Variants in RIMBP2 observed in about 807,000 individuals in gnomAD.
The protein encoded by RIMBP2 is RIMS-binding protein 2.
In RIMBP2, 48 loss-of-function variants were observed where a neutral mutation model predicts 118.6. That is an observed-to-expected ratio of 0.40 (90% CI 0.32 to 0.51). The LOEUF is 0.51. RIMBP2 is among the 20% of genes least tolerant of loss of function. The pLI is 0.41. For synonymous variants in RIMBP2, 762 were observed against 742.9 expected (o/e 1.03, Z -0.42); for missense variants, 1,551 against 1,768.3 (o/e 0.88, Z 2.20).
chr12:130,625,478 A>C (rs78491229), intron 2 of RIMBP2, among the ~76,000 whole-genome samples: 6,212 of 152,248 alleles, frequency 0.041, 414 homozygotes, highest in African/African-American at 0.14. Context: ...ACTCTCAGAG[A>C]GCCTCCTCTT....
At chr12:130,436,041 G>A (rs1239166231) in intron 13 of RIMBP2, among the ~76,000 whole-genome samples, 1 of 152,242 alleles carries the variant, frequency 6.6e-6, no homozygotes, top group Non-Finnish European at 1.5e-5. Context: ...GACCAGGGCT[G>A]TGCTGCCACC....
chr12:130,713,248 A>G (rs1231234496), intron 1 of RIMBP2, among the ~76,000 whole-genome samples: 2 of 148,120 alleles, frequency 1.4e-5, no homozygotes, highest in Non-Finnish European at 3.0e-5. Context: ...GAAGGAAGGA[A>G]GGAAGGAAGG....
intron 4 of RIMBP2, among the ~76,000 whole-genome samples, chr12:130,489,447 A>G (rs2138388632): frequency 6.6e-6 from 1 of 151,086 alleles, no homozygotes; most frequent in East Asian, 2.0e-4. Flanking sequence ...CACTTCCCAG[A>G]CGCCCTCGCC....
In RIMBP2 at chr12:130,517,848, T is replaced by G; in HGVS notation, c.-147A>C. ...GCTACCTTGTCATGCTGCCGGGCCC[T>G]TGTGGGAAGGCCTGCATGATGGGAT... On this transcript the variant is annotated 5_prime_UTR_variant, in exon 3 of 23. Coordinates refer to ENST00000690449, the MANE Select transcript of RIMBP2 (RefSeq NM_001393629.1). 1 of 985,242 alleles carries G rather than the reference T, an allele frequency of 1.0e-6. No homozygotes were observed. Among genetic ancestry groups the G allele is most frequent in the Non-Finnish European group, 1.2e-6 (1 of 829,442 alleles). 61.0% of individuals were successfully genotyped at this position (985,242 alleles called of 1,614,324 possible).
intron 2 of RIMBP2, among the ~76,000 whole-genome samples, chr12:130,610,261 C>A (rs59209664): frequency 2.6e-5 from 4 of 152,056 alleles, no homozygotes; most frequent in Non-Finnish European, 5.9e-5. Flanking sequence ...CGGTCCCTCC[C>A]GTTCTGGGGC....
intron 21 of RIMBP2, among the ~76,000 whole-genome samples, chr12:130,402,412 G>C (rs926943822): frequency 1.4e-4 from 21 of 152,072 alleles, no homozygotes; most frequent in Non-Finnish European, 1.0e-4. Flanking sequence ...ATCATCTTGA[G>C]TCTGCCTTCC....
intron 4 of RIMBP2, among the ~76,000 whole-genome samples, chr12:130,498,357 A>T (rs528330103): frequency 3.9e-5 from 6 of 152,356 alleles, no homozygotes; most frequent in African/African-American, 1.4e-4. Context: ...TCAATCAATC[A>T]GTATTTATCG....
chr12:130,708,060 A>C (rs1022574819), intron 1 of RIMBP2, among the ~76,000 whole-genome samples: 1 of 152,186 alleles, frequency 6.6e-6, no homozygotes, highest in Non-Finnish European at 1.5e-5. Flanking sequence ...AGCCATAAAA[A>C]GAGATGACGC....
At chr12:130,641,322 T>TGA (rs1566416743) in intron 1 of RIMBP2, among the ~76,000 whole-genome samples, 2 of 147,310 alleles carry the variant, frequency 1.4e-5, no homozygotes, top group African/African-American at 5.1e-5. Flanking sequence ...CGGCCCGGCA[T>TGA]CACGGGCTGG....
Position 130,649,419 on chromosome 12 carries a change from G to C in RIMBP2, c.-351-20963C>G, listed in dbSNP as rs78117072. Among the ~76,000 whole-genome samples the C allele has an allele frequency of 2.2e-3, 328 of 152,342 alleles. 1 individual carries two copies. The highest frequency in any genetic ancestry group is 7.7e-3 in the African/African-American group (322 of 41,578). On this transcript the variant is annotated intron_variant, in intron 1 of 22. Coordinates refer to ENST00000690449, the MANE Select transcript of RIMBP2 (RefSeq NM_001393629.1). ...CCGCATCCAGCCAGTGGGGTACTGG[G>C]AAGGGCGGCGCCTTCCCCCGACTCA...
At chr12:130,413,173 T>C (rs144022617) in intron 18 of RIMBP2, among the ~76,000 whole-genome samples, 324 of 152,318 alleles carry the variant, frequency 2.1e-3, no homozygotes, top group Middle Eastern at 0.01. Context: ...AATGGGTTCC[T>C]ACGTAACAAG....
intron 2 of RIMBP2, among the ~76,000 whole-genome samples, chr12:130,524,534 G>A (rs2052553476): frequency 6.6e-6 from 1 of 152,240 alleles, no homozygotes; most frequent in South Asian, 2.1e-4. Flanking sequence ...GACGTGAAGA[G>A]GCAAGAAGGG....
At chr12:130,512,569 C>T (rs769380407) in intron 3 of RIMBP2, among the ~76,000 whole-genome samples, 9 of 152,304 alleles carry the variant, frequency 5.9e-5, no homozygotes, top group East Asian at 1.9e-4. Flanking sequence ...GTGATCCACC[C>T]GCCTTGGCCT....
intron 2 of RIMBP2, among the ~76,000 whole-genome samples, chr12:130,557,200 T>C (rs2056437680): frequency 6.6e-6 from 1 of 151,986 alleles, no homozygotes; most frequent in African/African-American, 2.4e-5. Flanking sequence ...GTAAAGCACC[T>C]ACAGGCCGAG....
chr12:130,544,051 G>A (rs1437983187), intron 2 of RIMBP2, among the ~76,000 whole-genome samples: 2 of 152,186 alleles, frequency 1.3e-5, no homozygotes, highest in Non-Finnish European at 2.9e-5. Flanking sequence ...ATCCCTTGGA[G>A]AATCTTACAT....
intron 14 of RIMBP2, among the ~76,000 whole-genome samples, chr12:130,432,487 C>T (rs2077212605): frequency 6.6e-6 from 1 of 152,240 alleles, no homozygotes; most frequent in Non-Finnish European, 1.5e-5. Flanking sequence ...CCCACCCCAC[C>T]CTATTCAGAA....
chr12:130,423,652 T>C (rs2076561363), intron 16 of RIMBP2, among the ~76,000 whole-genome samples: 1 of 33,322 alleles, frequency 3.0e-5, no homozygotes. Context: ...TTGGAAACAA[T>C]ATGCAAAAAA....
At chr12:130,497,402 G>C (rs2049289924) in intron 4 of RIMBP2, among the ~76,000 whole-genome samples, 1 of 152,158 alleles carries the variant, frequency 6.6e-6, no homozygotes, top group South Asian at 2.1e-4. Flanking sequence ...TGAGCTCTCT[G>C]AATCTAGAAA....
chr12:130,697,381 G>A (rs1214989896), intron 1 of RIMBP2, among the ~76,000 whole-genome samples: 1 of 152,158 alleles, frequency 6.6e-6, no homozygotes, highest in African/African-American at 2.4e-5. Flanking sequence ...AAAATAGCCG[G>A]GTATGGTGGT....
Sources: allele counts gnomAD v4.1 joint callset (sites outside exome capture counted in the v4.1 genomes callset), GRCh38; gene constraint gnomAD v4.1.1; transcripts MANE v1.5; gene names NCBI Gene and HGNC (gene_info 2026-07-23, HGNC 2026-07-21).